MTUS2: variants seen among roughly 807,000 people sequenced by gnomAD.
The protein encoded by MTUS2 is microtubule associated scaffold protein 2.
In MTUS2, 40 loss-of-function variants were observed where a neutral mutation model predicts 114.1. That is an observed-to-expected ratio of 0.35 (90% CI 0.27 to 0.46). The LOEUF is 0.46. Ranked by LOEUF, MTUS2 falls within the 20% of genes least tolerant of loss-of-function variation. MTUS2 has a pLI of 1.00. For synonymous variants in MTUS2, 688 were observed against 672.0 expected, an observed-to-expected ratio of 1.02 and a Z score of -0.37; for missense variants, 1,679 against 1,705.4, an observed-to-expected ratio of 0.98 and a Z score of 0.27.
chr13:29,276,071 A>G (rs1020866349), intron 5 of MTUS2, among the ~76,000 whole-genome samples: 98 of 150,306 alleles, frequency 6.5e-4, no homozygotes, highest in African/African-American at 2.4e-3. Context: ...TTTAAAACAA[A>G]TTATGGTGTG....
chr13:29,446,100 G>A (rs1878260709), intron 9 of MTUS2, among the ~76,000 whole-genome samples: 1 of 152,088 alleles, frequency 6.6e-6, no homozygotes, highest in African/African-American at 2.4e-5. Context: ...AGGTGTGATT[G>A]AAAGGGAATC....
intron 8 of MTUS2, among the ~76,000 whole-genome samples, chr13:29,371,961 G>A (rs1431083427): frequency 2.0e-5 from 2 of 101,898 alleles, no homozygotes; most frequent in Non-Finnish European, 4.1e-5. Flanking sequence ...TAGATCTTAA[G>A]TGTCCTCAAC....
chr13:29,228,703 G>T (rs1196667736), intron 5 of MTUS2, among the ~76,000 whole-genome samples: 1 of 152,264 alleles, frequency 6.6e-6, no homozygotes, highest in Non-Finnish European at 1.5e-5. Flanking sequence ...TGGAAGGGGT[G>T]CAGAGAGAGG....
intron 4 of MTUS2, among the ~76,000 whole-genome samples, chr13:29,069,400 G>A (rs1029180340): frequency 6.6e-6 from 1 of 152,200 alleles, no homozygotes; most frequent in South Asian, 2.1e-4. Context: ...GAGTGTGAAT[G>A]TAACCTTCGT....
intron 1 of MTUS2, among the ~76,000 whole-genome samples, chr13:28,824,517 T>C (rs1029323052): frequency 3.9e-5 from 6 of 152,144 alleles, no homozygotes; most frequent in Non-Finnish European, 7.4e-5. Flanking sequence ...ACATTCTCAT[T>C]TCTCCTCCCT....
intron 3 of MTUS2, among the ~76,000 whole-genome samples, chr13:29,030,589 G>A (rs750585365): frequency 2.0e-5 from 3 of 152,114 alleles, no homozygotes; most frequent in Non-Finnish European, 4.4e-5. Flanking sequence ...TGAGCTCAGT[G>A]CAGGGAGAAA....
chr13:29,121,798 A>G (rs906086703), intron 5 of MTUS2, among the ~76,000 whole-genome samples: 1 of 152,058 alleles, frequency 6.6e-6, no homozygotes, highest in Non-Finnish European at 1.5e-5. Context: ...GTGGGGTTAC[A>G]GGCATGTACC....
intron 6 of MTUS2, among the ~76,000 whole-genome samples, chr13:29,319,012 G>C (rs1011444427): frequency 6.6e-6 from 1 of 152,048 alleles, no homozygotes; most frequent in African/African-American, 2.4e-5. Context: ...CTTCCTTCCC[G>C]GCAAAAGCCC....
At chr13:29,348,919 C>T (rs1868983048) in intron 7 of MTUS2, among the ~76,000 whole-genome samples, 1 of 152,134 alleles carries the variant, frequency 6.6e-6, no homozygotes, top group Admixed American at 6.5e-5. Flanking sequence ...CTAACCTTTT[C>T]ATCTATTTGT....
chr13:29,280,332 T>C (rs1898220213), intron 5 of MTUS2, among the ~76,000 whole-genome samples: 1 of 152,236 alleles, frequency 6.6e-6, no homozygotes, highest in South Asian at 2.1e-4. Context: ...TGCAGAACTA[T>C]TTTAAAAACC....
At chr13:29,097,003 A>G (rs768226004) in intron 4 of MTUS2, among the ~76,000 whole-genome samples, 6 of 152,100 alleles carry the variant, frequency 3.9e-5, no homozygotes, top group African/African-American at 1.4e-4. Flanking sequence ...CCACTCTCTC[A>G]TGTAATTCAG....
At chr13:29,323,414 TA>T (rs966588532) in intron 6 of MTUS2, among the ~76,000 whole-genome samples, 3 of 149,554 alleles carry the variant, frequency 2.0e-5, no homozygotes. Context: ...CATGCCTGGC[TA>T]ATTTTTTGTA....
intron 2 of MTUS2, among the ~76,000 whole-genome samples, chr13:28,908,950 CT>C: frequency 6.6e-6 from 1 of 151,668 alleles, no homozygotes; most frequent in African/African-American, 2.4e-5. Flanking sequence ...ATAGGGAATC[CT>C]TTCCCCATTT....
intron 2 of MTUS2, among the ~76,000 whole-genome samples, chr13:28,981,065 A>G (rs1884337100): frequency 1.3e-5 from 2 of 152,242 alleles, no homozygotes; most frequent in South Asian, 4.1e-4. Context: ...TTCAAAAGTA[A>G]TCCTTTAATG....
chr13:29,434,397 G>A (rs1186455584), intron 8 of MTUS2, among the ~76,000 whole-genome samples: 1 of 152,154 alleles, frequency 6.6e-6, no homozygotes, highest in African/African-American at 2.4e-5. Context: ...TTGCCCTGCT[G>A]GGTTAGATCA....
At position 29,324,679 on chromosome 13, in the gene MTUS2, T is replaced by A. The variant is rs1328993637; in HGVS notation, c.2873T>A (p.Val958Glu). 1 of 1,599,408 alleles carries A rather than the reference T, an allele frequency of 6.3e-7. No homozygotes were observed. Among genetic ancestry groups the A allele is most frequent in the Non-Finnish European group, 8.5e-7 (1 of 1,172,670 alleles). The change falls in exon 7 of 16, where the codon GTA becomes GAA. Residue 958 changes from valine (V) to glutamate (E), a missense_variant. By Grantham distance (121) the Val-to-Glu change is moderately radical. Coordinates refer to ENST00000612955, the MANE Select transcript of MTUS2 (RefSeq NM_001033602.4). Reference sequence around the variant, plus strand: ...CCTGCTGTTTCATCTCCTAAGAGAGTAGCAGCTTCAACCACCAAGCTTCAT... The same window carrying A: ...CCTGCTGTTTCATCTCCTAAGAGAGAAGCAGCTTCAACCACCAAGCTTCAT... ...NKPAVSSPKR[V>E]AASTTKLHSP...
At chr13:29,178,525 G>C (rs1893868088) in intron 5 of MTUS2, among the ~76,000 whole-genome samples, 1 of 152,052 alleles carries the variant, frequency 6.6e-6, no homozygotes, top group African/African-American at 2.4e-5. Flanking sequence ...GCTGTCCTGT[G>C]AACTGTAGGA....
At chr13:28,980,965 G>T (rs1025225616) in intron 2 of MTUS2, among the ~76,000 whole-genome samples, 1 of 152,178 alleles carries the variant, frequency 6.6e-6, no homozygotes, top group Admixed American at 6.5e-5. Flanking sequence ...AGGTAATCTG[G>T]GACATGTCTT....
chr13:28,895,768 T>C (rs758996906), intron 2 of MTUS2, among the ~76,000 whole-genome samples: 9 of 152,188 alleles, frequency 5.9e-5, no homozygotes, highest in Non-Finnish European at 7.4e-5. Flanking sequence ...CTAGCACCAG[T>C]GGGAATTTAA....
Sources: gnomAD v4.1 joint callset for allele counts (sites outside exome capture counted in the v4.1 genomes callset) on GRCh38, gnomAD v4.1.1 for gene constraint, MANE v1.5 for transcripts, NCBI Gene and HGNC (gene_info 2026-07-23, HGNC 2026-07-21) for gene names.